The following ADH7 variants were observed in gnomAD, a reference collection of about 807,000 sequenced individuals.
The protein encoded by ADH7 is alcohol dehydrogenase 7 (class IV), mu or sigma polypeptide, also known as all-trans-retinol dehydrogenase [NAD(+)] ADH7.
Under a neutral mutation model 34.4 loss-of-function variants are expected in ADH7, and 41 were observed. That is an observed-to-expected ratio of 1.19 (90% CI 0.93 to 1.55). ADH7 has a LOEUF of 1.55. Among genes scored for constraint, ADH7 ranks in the 40% most tolerant of loss-of-function variants. The pLI is 0.00. For synonymous variants in ADH7, 180 were observed against 160.9 expected (o/e 1.12, Z -0.90); for missense variants, 540 against 461.2 (o/e 1.17, Z -1.56).
chr4:99,421,872 C>T (rs1721671813), intron 5 of ADH7, among the ~76,000 whole-genome samples: 1 of 152,154 alleles, frequency 6.6e-6, no homozygotes, highest in Non-Finnish European at 1.5e-5. Context: ...CAAAAGAAGA[C>T]ATTTATGTGG....
At position 99,428,764 on chromosome 4, in the gene ADH7, G is replaced by A. The variant is rs182309808; in HGVS notation, c.121-134C>T. 4.6e-3 allele frequency: 5,457 copies of A among 1,189,358 alleles called. 19 individuals carry two copies. Among genetic ancestry groups the A allele is most frequent in the Middle Eastern group, 6.7e-3 (29 of 4,298 alleles). 73.7% of individuals were successfully genotyped at this position (1,189,358 alleles called of 1,614,324 possible). ...CCTAATATAACAACATTTACTCTTA[G>A]ACTATTCTGAGCCAAAAATCAACCA... On this transcript the variant is annotated intron_variant, in intron 2 of 8. Transcript: ENST00000437033.
intron 2 of ADH7, 55 bp downstream of exon 2, chr4:99,429,477 T>C: frequency 7.6e-7 from 1 of 1,322,892 alleles, no homozygotes; most frequent in South Asian, 1.3e-5. Context: ...CAGTGCTATA[T>C]TCAATATAAG....
chr4:99,432,350 A>G (rs1721954716), intron 1 of ADH7, among the ~76,000 whole-genome samples: 1 of 152,030 alleles, frequency 6.6e-6, no homozygotes, highest in Non-Finnish European at 1.5e-5. Flanking sequence ...GGATGAAAAA[A>G]CCACCAATTA....
intron 7 of ADH7, among the ~76,000 whole-genome samples, chr4:99,416,684 T>C (rs1225778449): frequency 6.6e-6 from 1 of 152,144 alleles, no homozygotes; most frequent in Non-Finnish European, 1.5e-5. Context: ...TCTGGTCTTG[T>C]GGCTTTCGAT....
At chr4:99,429,008 G>T (rs891797549) in intron 2 of ADH7, among the ~76,000 whole-genome samples, 1 of 152,172 alleles carries the variant, frequency 6.6e-6, no homozygotes, top group African/African-American at 2.4e-5. Context: ...TAAGCAAAGA[G>T]CAAAATCTTC....
In ADH7 at chr4:99,428,596, T is replaced by C. The variant is rs113215738; in HGVS notation, c.155A>G (p.His52Arg). 26 of 1,613,840 alleles carry C rather than the reference T, an allele frequency of 1.6e-5. No individual in the cohort carries two copies. The African/African-American group carries it at 2.0e-4, about 12-fold the overall frequency. Residue 52 changes from histidine to arginine, a missense_variant, in exon 3 of 9, where the codon CAT becomes CGT. By Grantham distance (29) the His-to-Arg change is conservative. Transcript: ENST00000437033. ...GGACACCATTGTTCCTTTTATCACA[T>C]GGTCATCTGTGCGACAGATTCCTGT... Reference protein sequence around the residue: ...LATGICRTDDHVIKGTMVSKF... With the variant: ...LATGICRTDDRVIKGTMVSKF...
chr4:99,427,838 C>T lies in ADH7; in HGVS notation c.499G>A (p.Glu167Lys). ...CCACAGCCAATTAAACAGACTTTCT[C>T]AGGAGGAGCTGCATCATCAATCTTA... Reference protein sequence around the residue: ...VAKIDDAAPPEKVCLIGCGFS... With the variant: ...VAKIDDAAPPKKVCLIGCGFS... The change falls in exon 5 of 9, where the codon GAG becomes AAG. Residue 167 changes from glutamate to lysine, a missense_variant. Physicochemically the swap from Glu to Lys is moderately conservative, Grantham distance 56 (BLOSUM62 1). Transcript: ENST00000437033. 1.9e-6 allele frequency: 3 copies of T among 1,611,430 alleles called. No homozygotes were observed. Among genetic ancestry groups the T allele is most frequent in the South Asian group, 1.1e-5 (1 of 90,540 alleles).
At chr4:99,421,054 C>T (rs1018157488) in intron 5 of ADH7, among the ~76,000 whole-genome samples, 6 of 152,118 alleles carry the variant, frequency 3.9e-5, no homozygotes, top group Non-Finnish European at 8.8e-5. Context: ...GAATCAATAT[C>T]GTGAAAATGG....
At chr4:99,420,481 T>G in intron 6 of ADH7, 52 bp downstream of exon 6, 1 of 1,557,428 alleles carries the variant, frequency 6.4e-7, no homozygotes, top group Non-Finnish European at 8.8e-7. Context: ...ATTTACCTTG[T>G]GCATGTCTAA....
chr4:99,426,257 T>G (rs1232499688), intron 5 of ADH7, among the ~76,000 whole-genome samples: 2 of 151,934 alleles, frequency 1.3e-5, no homozygotes, highest in African/African-American at 4.8e-5. Context: ...TTCAAAAAAT[T>G]AATGAATCAT....
At chr4:99,420,463 A>G in intron 6 of ADH7, 70 bp downstream of exon 6, 3 of 1,459,110 alleles carry the variant, frequency 2.1e-6, no homozygotes, top group Non-Finnish European at 2.8e-6. Context: ...AAAGTTATAG[A>G]CAATTAAATT....
Position 99,419,107 on chromosome 4 carries a change from T to C in ADH7, c.840A>G (p.Ala280=), listed in dbSNP as rs915358164. 1.2e-6 allele frequency: 2 copies of C among 1,613,512 alleles called. No homozygotes were observed. Among genetic ancestry groups the C allele is most frequent in the African/African-American group, 2.7e-5 (2 of 74,922 alleles). Residue 280 remains alanine, a synonymous_variant, in exon 7 of 9, where the codon GCA becomes GCG. Transcript: ENST00000437033. ...TGGTCCCATAGTTCATGTGGCAGGATGCCAGGGCATCAATCTGAGTTTAAA... is the reference window on the plus strand; with the variant it reads ...TGGTCCCATAGTTCATGTGGCAGGACGCCAGGGCATCAATCTGAGTTTAAA... ...GHLETMIDAL[A]SCHMNYGTSV...
At chr4:99,426,033 G>A (rs1055886153) in intron 5 of ADH7, among the ~76,000 whole-genome samples, 1 of 152,016 alleles carries the variant, frequency 6.6e-6, no homozygotes, top group East Asian at 1.9e-4. Flanking sequence ...CACAGCATTC[G>A]AGAATCTCTG....
At chr4:99,416,383 G>T (rs571798183) in intron 7 of ADH7, among the ~76,000 whole-genome samples, 1 of 152,116 alleles carries the variant, frequency 6.6e-6, no homozygotes, top group Admixed American at 6.5e-5. Flanking sequence ...GGTCATCTTT[G>T]AGCTCCATTT....
chr4:99,423,574 C>A (rs1249419014), intron 5 of ADH7, among the ~76,000 whole-genome samples: 1 of 152,114 alleles, frequency 6.6e-6, no homozygotes, highest in Non-Finnish European at 1.5e-5. Context: ...GCCATTCTAA[C>A]TGGTGTGAGA....
intron 8 of ADH7, 116 bp from the exon 9 acceptor site, chr4:99,413,288 G>T: frequency 8.6e-7 from 1 of 1,168,288 alleles, no homozygotes; most frequent in Admixed American, 2.0e-5. Context: ...TCTGTTATTG[G>T]AAATCCTCTG....
At chr4:99,433,234 C>T (rs541705470) in intron 1 of ADH7, among the ~76,000 whole-genome samples, 77 of 151,730 alleles carry the variant, frequency 5.1e-4, no homozygotes, top group African/African-American at 1.8e-3. Context: ...AATACATAAA[C>T]AATAATAGAG....
intron 5 of ADH7, among the ~76,000 whole-genome samples, chr4:99,427,552 T>C (rs1279255996): frequency 6.6e-6 from 1 of 152,156 alleles, no homozygotes; most frequent in Non-Finnish European, 1.5e-5. Flanking sequence ...TTTGCAAATA[T>C]AGTCAATAAA....
rs1721852888 is a variant in ADH7 at position 99,428,067 on chromosome 4, T to C, written c.347+20A>G. ...TAGGAAAAATGTAAATACATTAAAG[T>C]AAAAATGACTGAAACCTACTCGCTC... On this transcript the variant is annotated intron_variant, in intron 4 of 8. Transcript: ENST00000437033. 1.2e-6 allele frequency: 2 copies of C among 1,613,526 alleles called. No individual in the cohort carries two copies. The highest frequency in any genetic ancestry group is 1.7e-6 in the Non-Finnish European group (2 of 1,179,604).
Sources: allele counts gnomAD v4.1 joint callset (sites outside exome capture counted in the v4.1 genomes callset), GRCh38; gene constraint gnomAD v4.1.1; transcripts MANE v1.5; gene names NCBI Gene and HGNC (gene_info 2026-07-23, HGNC 2026-07-21).